The following DPY19L4 variants were observed in gnomAD, a reference collection of about 807,000 sequenced individuals.
DPY19L4 encodes probable C-mannosyltransferase DPY19L4.
A neutral mutation model predicts 102.8 loss-of-function variants in DPY19L4; 97 were observed. The ratio of observed to expected loss-of-function variants is 0.94; its 90% confidence interval spans 0.80 to 1.12. The LOEUF (loss-of-function observed/expected upper bound fraction) is 1.12. Among genes scored for constraint, DPY19L4 ranks in the 50% most tolerant of loss-of-function variants. The pLI, the probability that DPY19L4 is intolerant of heterozygous loss-of-function variation, is 0.00. For synonymous variants in DPY19L4, 252 were observed against 283.1 expected (o/e 0.89, Z 1.10); for missense variants, 815 against 850.4 (o/e 0.96, Z 0.52).
rs1813933523 is a variant in DPY19L4, at chr8:94,793,356, A to AGGGCT, written c.*3446_*3447insGGGCT. On this transcript the variant is annotated 3_prime_UTR_variant, in exon 19 of 19. Coordinates refer to ENST00000414645, the MANE Select transcript of DPY19L4 (RefSeq NM_181787.3). ...GGCCCCTATTTTTGAACTGTTAAAAAATTTTGATGCTTTTCGTGGATAAAA... is the reference window on the plus strand; with the variant it reads ...GGCCCCTATTTTTGAACTGTTAAAAAGGGCTATTTTGATGCTTTTCGTGGATAAAA... The AGGGCT allele has an allele frequency of 1.3e-5, 2 of 152,202 alleles. No individual in the cohort carries two copies. The highest frequency in any genetic ancestry group is 2.9e-5 in the Non-Finnish European group (2 of 68,028). 9.4% of individuals were successfully genotyped at this position (152,202 alleles called of 1,614,324 possible).
intron 10 of DPY19L4, 48 bp from the exon 11 acceptor site, chr8:94,766,564 T>C: frequency 6.4e-7 from 1 of 1,562,616 alleles, no homozygotes; most frequent in Non-Finnish European, 8.8e-7. Flanking sequence ...CATATGTTTG[T>C]AAGCATAGCT....
chr8:94,758,151 A>G (rs545425229), intron 7 of DPY19L4, among the ~76,000 whole-genome samples: 2 of 152,064 alleles, frequency 1.3e-5, no homozygotes, highest in South Asian at 4.2e-4. Flanking sequence ...TGAACTGCCT[A>G]AGTTTCTTTA....
At position 94,739,757 on chromosome 8, in the gene DPY19L4, G is replaced by T. The variant is rs761125239; in HGVS notation, c.578G>T (p.Gly193Val). The T allele has an allele frequency of 2.2e-5, 35 of 1,612,634 alleles. No individual in the cohort carries two copies. Among genetic ancestry groups the T allele is most frequent in the Non-Finnish European group, 2.9e-5 (34 of 1,180,042 alleles). ...CTTATGAGTGGAACATGGCTAGCAGGAATGCTTACTGTTGCGTGGTTCGTT... is the reference window on the plus strand; with the variant it reads ...CTTATGAGTGGAACATGGCTAGCAGTAATGCTTACTGTTGCGTGGTTCGTT... ...SWLMSGTWLAGMLTVAWFVIN... is the reference protein window; with the variant it reads ...SWLMSGTWLAVMLTVAWFVIN... Residue 193 changes from glycine to valine, a missense_variant, in exon 6 of 19, where the codon GGA becomes GTA. By Grantham distance (109) the Gly-to-Val change is moderately radical. Coordinates refer to ENST00000414645, the MANE Select transcript of DPY19L4 (RefSeq NM_181787.3).
At chr8:94,772,535 G>C (rs1812980161) in intron 13 of DPY19L4, among the ~76,000 whole-genome samples, 1 of 152,248 alleles carries the variant, frequency 6.6e-6, no homozygotes, top group Non-Finnish European at 1.5e-5. Flanking sequence ...GAATCGTGCA[G>C]ACAGCACCTG....
At position 94,739,640 on chromosome 8, in the gene DPY19L4, C is replaced by G. The variant is rs1016878957; in HGVS notation, c.466-5C>G. On this transcript the variant is annotated splice_polypyrimidine_tract_variant and splice_region_variant and intron_variant, in intron 5 of 18. Coordinates refer to ENST00000414645, the MANE Select transcript of DPY19L4 (RefSeq NM_181787.3). ...TCTTGTTCTCTTTCTGTTTTTTCCACATAGGAGATTATTGAGCCAGTGTAT... is the reference window on the plus strand; with the variant it reads ...TCTTGTTCTCTTTCTGTTTTTTCCAGATAGGAGATTATTGAGCCAGTGTAT... The G allele has an allele frequency of 1.2e-6, 2 of 1,613,316 alleles. No homozygotes were observed. The highest frequency in any genetic ancestry group is 1.7e-5 in the Admixed American group (1 of 59,914).
intron 1 of DPY19L4, among the ~76,000 whole-genome samples, chr8:94,725,801 A>G (rs530139508): frequency 6.6e-6 from 1 of 151,882 alleles, no homozygotes; most frequent in African/African-American, 2.4e-5. Context: ...ATGCCAGGCT[A>G]ATTTTTTGGT....
chr8:94,791,388 G>A lies in DPY19L4; in HGVS notation c.*1478G>A, dbSNP rs779270371. On this transcript the variant is annotated 3_prime_UTR_variant, in exon 19 of 19. Coordinates refer to ENST00000414645, the MANE Select transcript of DPY19L4 (RefSeq NM_181787.3). ...TTTGCTCTTTTGGAGCTGAAGAATT[G>A]TTTGATGGTGATGTCATATATCTGA... is the stretch of plus-strand genomic sequence containing the variant. 5 of 152,160 alleles carry A rather than the reference G, an allele frequency of 3.3e-5. No individual in the cohort carries two copies. The highest frequency in any genetic ancestry group is 4.4e-5 in the Non-Finnish European group (3 of 67,986). The allele number at this position is 152,160 out of a possible 1,614,324, so 9.4% of individuals were successfully genotyped here. A position where few individuals can be genotyped will look rare whatever the true frequency, so the allele number is the denominator to read the frequency against.
chr8:94,740,781 T>C (rs1054723012), intron 6 of DPY19L4, among the ~76,000 whole-genome samples: 1 of 152,144 alleles, frequency 6.6e-6, no homozygotes, highest in African/African-American at 2.4e-5. Flanking sequence ...TATGCTGCTT[T>C]CTCTATTCAA....
rs954896698 is a variant in DPY19L4, at chr8:94,791,211, T to C, written c.*1301T>C. On this transcript the variant is annotated 3_prime_UTR_variant, in exon 19 of 19. Transcript: ENST00000414645. Reference sequence around the variant, plus strand: ...ATTTTCAGTACTCTAAATTACTACATTAGAAGAGAGCATTTCTCCATTGTC... The same window carrying C: ...ATTTTCAGTACTCTAAATTACTACACTAGAAGAGAGCATTTCTCCATTGTC... The C allele has an allele frequency of 6.6e-5, 10 of 152,302 alleles. No homozygotes were observed. The highest frequency in any genetic ancestry group is 1.3e-4 in the Non-Finnish European group (9 of 67,972). 9.4% of individuals were successfully genotyped at this position (152,302 alleles called of 1,614,324 possible). A position where few individuals can be genotyped will look rare whatever the true frequency, so the allele number is the denominator to read the frequency against.
chr8:94,726,352 A>G lies in DPY19L4; in HGVS notation c.38A>G (p.Gln13Arg). ...EEEGPPVELR[Q>R]RKKPKSSENK... ...TAAGGACCACCTGTAGAGCTGCGCC[A>G]AAGAAAAAAGCCAAAGTCTTCAGAA... Residue 13 changes from glutamine (Q) to arginine (R), a missense_variant, in exon 2 of 19, where the codon CAA becomes CGA. By Grantham distance (43) the Gln-to-Arg change is conservative (BLOSUM62 1). Transcript: ENST00000414645. 1.2e-6 allele frequency: 2 copies of G among 1,610,730 alleles called. No individual in the cohort carries two copies. Among genetic ancestry groups the G allele is most frequent in the South Asian group, 2.2e-5 (2 of 89,808 alleles).
At chr8:94,766,134 A>C (rs1315228843) in intron 10 of DPY19L4, among the ~76,000 whole-genome samples, 1 of 152,090 alleles carries the variant, frequency 6.6e-6, no homozygotes, top group African/African-American at 2.4e-5. Context: ...TGGTGGGATA[A>C]GGTTGAAATG....
chr8:94,757,442 A>G (rs1293905262), intron 7 of DPY19L4, among the ~76,000 whole-genome samples: 1 of 151,652 alleles, frequency 6.6e-6, no homozygotes, highest in African/African-American at 2.4e-5. Context: ...GAGTCTTGCT[A>G]TCTGTTGCCC....
intron 13 of DPY19L4, among the ~76,000 whole-genome samples, chr8:94,777,242 G>C (rs1169281462): frequency 6.6e-6 from 1 of 151,536 alleles, no homozygotes; most frequent in Non-Finnish European, 1.5e-5. Context: ...AATTTTTGTA[G>C]TTTTGGTAGA....
intron 2 of DPY19L4, among the ~76,000 whole-genome samples, chr8:94,731,192 C>A (rs1241258066): frequency 6.6e-6 from 1 of 151,848 alleles, no homozygotes; most frequent in Non-Finnish European, 1.5e-5. Context: ...AAAACAAACC[C>A]AAGAAATCCA....
chr8:94,738,407 C>T lies in DPY19L4; in HGVS notation c.291C>T (p.Ala97=). The T allele has an allele frequency of 6.4e-7, 1 of 1,557,576 alleles. No homozygotes were observed. The highest frequency in any genetic ancestry group is 8.7e-7 in the Non-Finnish European group (1 of 1,153,748). Residue 97 remains alanine, a synonymous_variant, in exon 4 of 19, where the codon GCC becomes GCT. Transcript: ENST00000414645. ...EREITFQGDS[A]IYYSYYKDML... is the part of the protein sequence containing the mutation. ...AAATCACGTTTCAGGGTGACAGTGC[C>T]ATTTATTACTCCTATTATAAAGATA...
intron 17 of DPY19L4, among the ~76,000 whole-genome samples, chr8:94,786,316 G>T (rs1257317438): frequency 6.6e-6 from 1 of 151,898 alleles, no homozygotes; most frequent in Admixed American, 6.6e-5. Flanking sequence ...GTAGAGACAG[G>T]GTTTCATCAT....
intron 6 of DPY19L4, among the ~76,000 whole-genome samples, chr8:94,747,543 C>A (rs554774491): frequency 2.7e-4 from 39 of 145,656 alleles, no homozygotes; most frequent in Non-Finnish European, 9.0e-5. Context: ...AGTGTTTATA[C>A]TATGATGGTT....
At chr8:94,769,062 GTT>G (rs983995829) in intron 12 of DPY19L4, among the ~76,000 whole-genome samples, 2 of 127,244 alleles carry the variant, frequency 1.6e-5, no homozygotes, top group Non-Finnish European at 1.7e-5. Flanking sequence ...TAGTTTTTTT[GTT>G]TTTTTTTTTT....
In DPY19L4 at chr8:94,739,614, G is replaced by A. The variant is rs775228130; in HGVS notation, c.466-31G>A. The A allele has an allele frequency of 3.1e-6, 5 of 1,611,222 alleles. No homozygotes were observed. The Admixed American group carries it at 6.7e-5, about 22-fold the overall frequency. ...TCAAATTATTTAATGCCATCCTATT[G>A]TCTTGTTCTCTTTCTGTTTTTTCCA... On this transcript the variant is annotated intron_variant, in intron 5 of 18. Transcript: ENST00000414645.
Sources: gnomAD v4.1 joint callset for allele counts (sites outside exome capture counted in the v4.1 genomes callset) on GRCh38, gnomAD v4.1.1 for gene constraint, MANE v1.5 for transcripts, NCBI Gene and HGNC (gene_info 2026-07-23, HGNC 2026-07-21) for gene names.